Variants in ACOXL observed in about 807,000 individuals in gnomAD.
ACOXL encodes acyl-coenzyme A oxidase-like protein.
A neutral mutation model predicts 71.9 loss-of-function variants in ACOXL; 70 were observed. The ratio of observed to expected loss-of-function variants is 0.97; its 90% CI spans 0.80 to 1.19. The LOEUF is 1.19. ACOXL is among the 50% of genes most tolerant of loss of function. The probability of loss-of-function intolerance (pLI) is 0.00; values close to 1 mark genes in which losing one functional copy is unlikely to be tolerated. For missense variants in ACOXL, 703 were observed against 736.3 expected (o/e 0.95, Z 0.52); for synonymous variants, 253 against 281.6 (o/e 0.90, Z 1.02).
chr2:110,852,833 A>T (rs1692781156), intron 10 of ACOXL, among the ~76,000 whole-genome samples: 1 of 152,132 alleles, frequency 6.6e-6, no homozygotes, highest in Non-Finnish European at 1.5e-5. Context: ...TCCACCTATA[A>T]ACTGCCATTC....
chr2:110,980,039 C>G (rs1473233755), intron 12 of ACOXL, among the ~76,000 whole-genome samples: 1 of 152,192 alleles, frequency 6.6e-6, no homozygotes, highest in Non-Finnish European at 1.5e-5. Flanking sequence ...GGAGGGAGCT[C>G]TGGAGGAAGA....
At chr2:110,991,813 C>T (rs1395965176) in intron 13 of ACOXL, among the ~76,000 whole-genome samples, 5 of 152,124 alleles carry the variant, frequency 3.3e-5, no homozygotes, top group Non-Finnish European at 7.4e-5. Flanking sequence ...TTAAATGTCT[C>T]CATTTGTCTT....
At chr2:110,872,867 G>A (rs1438068884) in intron 10 of ACOXL, among the ~76,000 whole-genome samples, 2 of 152,222 alleles carry the variant, frequency 1.3e-5, no homozygotes, top group Non-Finnish European at 2.9e-5. Context: ...TGAAGGGCTT[G>A]TTCCTGGCTT....
chr2:111,004,099 A>G (rs1004479471), intron 14 of ACOXL, among the ~76,000 whole-genome samples: 4 of 152,240 alleles, frequency 2.6e-5, no homozygotes, highest in Non-Finnish European at 4.4e-5. Context: ...TGACCCAAAC[A>G]GAGTCTGGGC....
At chr2:110,872,140 A>G (rs1185351570) in intron 10 of ACOXL, among the ~76,000 whole-genome samples, 2 of 152,154 alleles carry the variant, frequency 1.3e-5, no homozygotes, top group Non-Finnish European at 2.9e-5. Context: ...GCCTCAAACC[A>G]TCACATCATT....
In ACOXL at chr2:111,015,599, A is replaced by G. The variant is rs578215185; in HGVS notation, c.1282-16028A>G. Among the ~76,000 whole-genome samples the G allele has an allele frequency of 5.6e-4, 85 of 152,334 alleles. 1 individual carries two copies. The highest frequency in any genetic ancestry group is 1.9e-3 in the African/African-American group (81 of 41,568). On this transcript the variant is annotated intron_variant, in intron 14 of 17. Coordinates refer to ENST00000439055, the MANE Select transcript of ACOXL (RefSeq NM_001142807.4). ...TAAAAGTACACCTATACTATGAGCCAGCAATTCCCTTCCTAGATATTTGGC... is the reference window on the plus strand; with the variant it reads ...TAAAAGTACACCTATACTATGAGCCGGCAATTCCCTTCCTAGATATTTGGC...
intron 10 of ACOXL, among the ~76,000 whole-genome samples, chr2:110,868,620 A>C (rs1313142842): frequency 6.6e-6 from 1 of 151,694 alleles, no homozygotes; most frequent in Non-Finnish European, 1.5e-5. Context: ...ACAGTGCCTC[A>C]CTCTGTTTCC....
At chr2:110,940,873 G>A (rs915389087) in intron 12 of ACOXL, among the ~76,000 whole-genome samples, 8 of 152,194 alleles carry the variant, frequency 5.3e-5, no homozygotes, top group African/African-American at 1.9e-4. Context: ...TTAGCAGTGA[G>A]GTAGACACGT....
intron 10 of ACOXL, among the ~76,000 whole-genome samples, chr2:110,864,048 G>T (rs1478138894): frequency 6.6e-6 from 1 of 152,154 alleles, no homozygotes; most frequent in African/African-American, 2.4e-5. Flanking sequence ...CTCAGGCACA[G>T]AAGTGACACT....
chr2:111,068,181 G>A (rs1013916916), intron 16 of ACOXL, among the ~76,000 whole-genome samples: 2 of 152,198 alleles, frequency 1.3e-5, no homozygotes, highest in Non-Finnish European at 2.9e-5. Flanking sequence ...AATCTCAAAG[G>A]ATGAGTTGGA....
chr2:111,034,515 A>G (rs2065420335), intron 15 of ACOXL, among the ~76,000 whole-genome samples: 1 of 152,230 alleles, frequency 6.6e-6, no homozygotes, highest in Non-Finnish European at 1.5e-5. Flanking sequence ...CAGTAGCACA[A>G]GTGATTATTT....
chr2:111,031,595 C>G, intron 14 of ACOXL, 32 bp from the exon 15 acceptor site: 1 of 1,591,372 alleles, frequency 6.3e-7, no homozygotes, highest in Non-Finnish European at 8.6e-7. Flanking sequence ...ACAATATCCT[C>G]AATGGTGATT....
At chr2:110,749,865 C>A (rs993532298) in intron 1 of ACOXL, among the ~76,000 whole-genome samples, 1 of 152,156 alleles carries the variant, frequency 6.6e-6, no homozygotes, top group African/African-American at 2.4e-5. Flanking sequence ...CTCAGGGTCC[C>A]CTGGTCTGTG....
intron 9 of ACOXL, among the ~76,000 whole-genome samples, chr2:110,807,827 G>C (rs1195776906): frequency 6.6e-6 from 1 of 152,106 alleles, no homozygotes; most frequent in Non-Finnish European, 1.5e-5. Flanking sequence ...TTCTGCTCTT[G>C]CTGATGAGTG....
rs772227319 is a variant in ACOXL at position 111,093,530 on chromosome 2, A to C, written c.1542+564A>C. On this transcript the variant is annotated intron_variant, in intron 17 of 17. Coordinates refer to ENST00000439055, the MANE Select transcript of ACOXL (RefSeq NM_001142807.4). ...AACAGGTATAAGACTCAGTCTCCAC[A>C]TGAAGGGAGCTCATATCCAAGGACA... is the stretch of plus-strand genomic sequence containing the variant. 5 of 1,613,936 alleles carry C rather than the reference A, an allele frequency of 3.1e-6. No individual in the cohort carries two copies. The African/African-American group carries it at 4.0e-5, about 13-fold the overall frequency.
At chr2:110,838,714 C>A (rs1690760533) in intron 9 of ACOXL, among the ~76,000 whole-genome samples, 1 of 152,252 alleles carries the variant, frequency 6.6e-6, no homozygotes, top group Non-Finnish European at 1.5e-5. Flanking sequence ...CTGTTCCAGC[C>A]TTTGTTCAGG....
intron 9 of ACOXL, among the ~76,000 whole-genome samples, chr2:110,836,748 A>T (rs530108703): frequency 6.6e-6 from 1 of 152,342 alleles, no homozygotes; most frequent in East Asian, 1.9e-4. Context: ...GAAAAAAGGA[A>T]AAGTAAAGAA....
intron 15 of ACOXL, among the ~76,000 whole-genome samples, chr2:111,046,941 A>C (rs1327975247): frequency 6.6e-6 from 1 of 152,204 alleles, no homozygotes; most frequent in African/African-American, 2.4e-5. Flanking sequence ...GGCCAGGCTC[A>C]GAGTGGTGGC....
chr2:110,948,918 A>G (rs764230570), intron 12 of ACOXL, among the ~76,000 whole-genome samples: 3 of 151,872 alleles, frequency 2.0e-5, no homozygotes, highest in African/African-American at 4.8e-5. Context: ...GGAATAACAT[A>G]GATGGTGTTT....
Sources: allele counts gnomAD v4.1 joint callset (sites outside exome capture counted in the v4.1 genomes callset), GRCh38; gene constraint gnomAD v4.1.1; transcripts MANE v1.5; gene names NCBI Gene and HGNC (gene_info 2026-07-23, HGNC 2026-07-21).